The following MAN1A1 variants were observed in gnomAD, a reference collection of about 807,000 sequenced individuals.
MAN1A1 encodes the protein mannosyl-oligosaccharide 1,2-alpha-mannosidase IA.
A neutral mutation model predicts 70.8 loss-of-function variants in MAN1A1; 29 were observed. That is an observed-to-expected ratio of 0.41 (90% CI 0.31 to 0.56). The LOEUF is 0.56. MAN1A1 is among the 20% of genes least tolerant of loss of function. The pLI, the probability that MAN1A1 is intolerant of heterozygous loss-of-function variation, is 0.29. For synonymous variants in MAN1A1, 349 were observed against 330.1 expected (o/e 1.06, Z -0.62); for missense variants, 747 against 841.3 (o/e 0.89, Z 1.39).
At chr6:119,305,671 G>T (rs1197281139) in intron 3 of MAN1A1, among the ~76,000 whole-genome samples, 1 of 152,040 alleles carries the variant, frequency 6.6e-6, no homozygotes, top group East Asian at 1.9e-4. Context: ...CCAACCTGAG[G>T]TCCTACTGGT....
In MAN1A1 at chr6:119,290,678, C is replaced by T. The variant is rs1162413798; in HGVS notation, c.897+5G>A. ...TTCACATTTATATACCACTTTTCAT[C>T]TTACCTCTTCTCCAGACAGATAGTA... On this transcript the variant is annotated splice_donor_5th_base_variant and intron_variant, in intron 5 of 12. Transcript: ENST00000368468. 6.2e-7 allele frequency: 1 copy of T among 1,600,858 alleles called. No individual in the cohort carries two copies. Among genetic ancestry groups the T allele is most frequent in the East Asian group, 2.2e-5 (1 of 44,638 alleles).
At chr6:119,334,201 C>T (rs1773393344) in intron 2 of MAN1A1, among the ~76,000 whole-genome samples, 1 of 151,918 alleles carries the variant, frequency 6.6e-6, no homozygotes, top group South Asian at 2.1e-4. Flanking sequence ...TTTTCTTTAC[C>T]ATCAACAGCA....
intron 5 of MAN1A1, among the ~76,000 whole-genome samples, chr6:119,257,719 A>T (rs1349980335): frequency 6.6e-6 from 1 of 152,032 alleles, no homozygotes; most frequent in African/African-American, 2.4e-5. Context: ...AAGGGAGAGG[A>T]AACCCAATGG....
intron 3 of MAN1A1, among the ~76,000 whole-genome samples, chr6:119,303,092 C>G (rs1772438122): frequency 6.6e-6 from 1 of 152,078 alleles, no homozygotes; most frequent in African/African-American, 2.4e-5. Context: ...AATCATAGCT[C>G]ACTGCAGCCC....
At chr6:119,286,610 C>T (rs1285442707) in intron 5 of MAN1A1, among the ~76,000 whole-genome samples, 1 of 152,050 alleles carries the variant, frequency 6.6e-6, no homozygotes, top group Non-Finnish European at 1.5e-5. Flanking sequence ...TGTAAAAATC[C>T]ATTCTGTGTC....
chr6:119,182,149 T>G (rs1773168494), intron 11 of MAN1A1, among the ~76,000 whole-genome samples: 1 of 152,210 alleles, frequency 6.6e-6, no homozygotes, highest in African/African-American at 2.4e-5. Flanking sequence ...GAGCATCTTT[T>G]CACTACTGGC....
At chr6:119,307,978 T>A (rs941874889) in intron 2 of MAN1A1, among the ~76,000 whole-genome samples, 7 of 152,218 alleles carry the variant, frequency 4.6e-5, no homozygotes, top group Non-Finnish European at 7.3e-5. Flanking sequence ...ACAATCAGCA[T>A]CTTTAACCAA....
intron 2 of MAN1A1, among the ~76,000 whole-genome samples, chr6:119,339,668 G>A (rs1309046658): frequency 1.3e-5 from 2 of 151,810 alleles, no homozygotes; most frequent in East Asian, 1.9e-4. Context: ...TTTATAAAGC[G>A]AAATAAGACA....
chr6:119,348,652 G>A lies in MAN1A1; in HGVS notation c.414C>T (p.Thr138=). The A allele has an allele frequency of 6.2e-7, 1 of 1,613,520 alleles. No homozygotes were observed. The highest frequency in any genetic ancestry group is 1.1e-5 in the South Asian group (1 of 91,000). ...HERALREAKE[T]LQKLPEEIQR... ...GGATCTCCTCGGGCAGCTTCTGCAG[G>A]GTCTCCTTGGCTTCCCTGAGAGCCC... The change falls in exon 2 of 13, where the codon ACC becomes ACT. Residue 138 remains threonine, a synonymous_variant. Transcript: ENST00000368468.
At chr6:119,217,570 A>C (rs1255245179) in intron 6 of MAN1A1, among the ~76,000 whole-genome samples, 1 of 152,204 alleles carries the variant, frequency 6.6e-6, no homozygotes, top group Non-Finnish European at 1.5e-5. Context: ...TCGGCAGCAA[A>C]TGGAATTCTT....
chr6:119,275,291 T>A (rs1451863348), intron 5 of MAN1A1, among the ~76,000 whole-genome samples: 5 of 32,884 alleles, frequency 1.5e-4, no homozygotes, highest in Non-Finnish European at 2.0e-4. Context: ...TTTTTTTTTT[T>A]TTTTTTTTTT....
chr6:119,233,647 T>TA (rs1289455362), intron 6 of MAN1A1, among the ~76,000 whole-genome samples: 3 of 152,242 alleles, frequency 2.0e-5, no homozygotes, highest in African/African-American at 7.2e-5. Flanking sequence ...TCAAAGCTGC[T>TA]AATTCTTAAA....
intron 5 of MAN1A1, chr6:119,269,148 A>G (rs1050400140): frequency 5.5e-6 from 1 of 180,634 alleles, no homozygotes; most frequent in Non-Finnish European, 1.2e-5. Context: ...CCAGGAGTCC[A>G]TAGGTCTTGA....
At chr6:119,202,735 C>T (rs1399257502) in intron 7 of MAN1A1, among the ~76,000 whole-genome samples, 2 of 152,126 alleles carry the variant, frequency 1.3e-5, no homozygotes, top group Non-Finnish European at 2.9e-5. Context: ...GGACCACTGT[C>T]ACATATGTGG....
At chr6:119,312,863 C>G (rs1772747405) in intron 2 of MAN1A1, among the ~76,000 whole-genome samples, 1 of 152,166 alleles carries the variant, frequency 6.6e-6, no homozygotes, top group Non-Finnish European at 1.5e-5. Flanking sequence ...TTCAATTTTG[C>G]TACAAGCCTA....
At chr6:119,300,273 T>C (rs904158354) in intron 4 of MAN1A1, among the ~76,000 whole-genome samples, 8 of 151,794 alleles carry the variant, frequency 5.3e-5, no homozygotes, top group Non-Finnish European at 1.0e-4. Context: ...TTTTTTTTTT[T>C]GAGACGGCGT....
intron 6 of MAN1A1, 80 bp downstream of exon 6, chr6:119,248,180 A>G: frequency 4.5e-6 from 4 of 897,740 alleles, no homozygotes; most frequent in Non-Finnish European, 7.1e-6. Flanking sequence ...ATAAGTAATT[A>G]TCTATCTAAT....
chr6:119,263,085 TC>T (rs1171768862), intron 5 of MAN1A1, among the ~76,000 whole-genome samples: 1 of 152,186 alleles, frequency 6.6e-6, no homozygotes, highest in African/African-American at 2.4e-5. Context: ...ACATCAGACT[TC>T]AAGTTCTTCA....
At chr6:119,313,800 TG>T (rs1346485548) in intron 2 of MAN1A1, among the ~76,000 whole-genome samples, 1 of 152,080 alleles carries the variant, frequency 6.6e-6, no homozygotes, top group Non-Finnish European at 1.5e-5. Flanking sequence ...GTTTGTGCCC[TG>T]TTCTGTGGTA....
Sources: gnomAD v4.1 joint callset for allele counts (sites outside exome capture counted in the v4.1 genomes callset) on GRCh38, gnomAD v4.1.1 for gene constraint, MANE v1.5 for transcripts, NCBI Gene and HGNC (gene_info 2026-07-23, HGNC 2026-07-21) for gene names.